Variants in DAB2 observed in about 807,000 individuals in gnomAD.
The protein encoded by DAB2 is disabled homolog 2.
DAB2 carries 28 observed loss-of-function variants against 71.6 expected under a neutral mutation model. The ratio of observed to expected loss-of-function variants is 0.39; its 90% CI spans 0.29 to 0.54. DAB2 has a LOEUF of 0.54. Among genes scored for constraint, DAB2 ranks in the 20% least tolerant of loss-of-function variants. The pLI is 0.68. For missense variants in DAB2, 867 were observed against 928.8 expected (o/e 0.93, Z 0.86); for synonymous variants, 345 against 339.7 (o/e 1.02, Z -0.17).
chr5:39,383,329 G>A, intron 9 of DAB2, 58 bp from the exon 10 acceptor site: 1 of 1,312,850 alleles, frequency 7.6e-7, no homozygotes. Context: ...GACTTCAAAT[G>A]AGAAAATTAC....
chr5:39,379,675 C>T (rs758803457), intron 11 of DAB2, among the ~76,000 whole-genome samples: 16 of 152,066 alleles, frequency 1.1e-4, no homozygotes, highest in Non-Finnish European at 2.4e-4. Flanking sequence ...GATTAAAATA[C>T]AAGCAAGTTG....
chr5:39,401,961 A>G (rs1009847790), intron 1 of DAB2, among the ~76,000 whole-genome samples: 1 of 152,014 alleles, frequency 6.6e-6, no homozygotes, highest in East Asian at 1.9e-4. Flanking sequence ...AAAGAAAAAG[A>G]GGTTTAACGG....
intron 1 of DAB2, among the ~76,000 whole-genome samples, chr5:39,411,758 C>T (rs1334663317): frequency 6.6e-6 from 1 of 152,152 alleles, no homozygotes; most frequent in Non-Finnish European, 1.5e-5. Flanking sequence ...TAAGACAAAT[C>T]CTCCAAAAGT....
intron 3 of DAB2, 45 bp from the exon 4 acceptor site, chr5:39,392,508 T>C (rs748016505): frequency 1.4e-5 from 19 of 1,387,676 alleles, no homozygotes. Context: ...TTTAAAAACA[T>C]CCTACAATGG....
chr5:39,374,818 T>G, intron 14 of DAB2, 196 bp downstream of exon 14: 2 of 532,416 alleles, frequency 3.8e-6, no homozygotes, highest in Non-Finnish European at 6.6e-6. Flanking sequence ...TTTTTTGATG[T>G]GTTTAGGAAT....
intron 1 of DAB2, among the ~76,000 whole-genome samples, chr5:39,413,395 T>TA (rs1350384796): frequency 6.6e-6 from 1 of 152,180 alleles, no homozygotes; most frequent in Non-Finnish European, 1.5e-5. Flanking sequence ...CAAAGGCCAT[T>TA]ATGTCTTACA....
In DAB2 at chr5:39,375,147, GA is replaced by G. The variant is rs1754795089; in HGVS notation, c.2248-64del. The G allele has an allele frequency of 4.1e-6, 5 of 1,218,250 alleles. No individual in the cohort carries two copies. The East Asian group carries it at 1.2e-4, about 28-fold the overall frequency. The allele number at this position is 1,218,250 out of a possible 1,614,324, so 75.5% of individuals were successfully genotyped here. A position where few individuals can be genotyped will look rare whatever the true frequency, so the allele number is the denominator to read the frequency against. On this transcript the variant is annotated intron_variant, in intron 13 of 14. Transcript: ENST00000320816. ...ACAGTCATAAGAAAAAAATCGCAAT[GA>G]AGACTTCCAAAATTCTTTTAAAAAT... is the stretch of plus-strand genomic sequence containing the variant.
In DAB2 at chr5:39,377,047, T is replaced by G; in HGVS notation, c.1740A>C (p.Ala580=). The G allele has an allele frequency of 6.2e-7, 1 of 1,613,998 alleles. No homozygotes were observed. ...GGCTTGTTGTTGACCAAGCATTGGGTGCCACAGATGCAGAAGGGCCCCAGA... is the reference window on the plus strand; with the variant it reads ...GGCTTGTTGTTGACCAAGCATTGGGGGCCACAGATGCAGAAGGGCCCCAGA... ...PVVWGPSASV[A]PNAWSTTSPL... is the part of the protein sequence containing the mutation. Residue 580 remains alanine (A), a synonymous_variant, in exon 12 of 15, where the codon GCA becomes GCC. Transcript: ENST00000320816.
chr5:39,386,709 T>C (rs969011397), intron 9 of DAB2, among the ~76,000 whole-genome samples: 10 of 152,224 alleles, frequency 6.6e-5, no homozygotes, highest in African/African-American at 2.2e-4. Flanking sequence ...GTAGATTATA[T>C]AGGCAGTACT....
At chr5:39,407,004 T>C (rs1025139254) in intron 1 of DAB2, among the ~76,000 whole-genome samples, 13 of 152,192 alleles carry the variant, frequency 8.5e-5, no homozygotes, top group African/African-American at 2.7e-4. Context: ...TACAATGTAT[T>C]ATGCTTGATC....
chr5:39,401,424 A>G (rs1755496526), intron 1 of DAB2, among the ~76,000 whole-genome samples: 1 of 152,196 alleles, frequency 6.6e-6, no homozygotes, highest in African/African-American at 2.4e-5. Flanking sequence ...ACCAAGTCAG[A>G]CCAGAGTTAA....
At chr5:39,406,206 G>C (rs1483112614) in intron 1 of DAB2, among the ~76,000 whole-genome samples, 1 of 152,108 alleles carries the variant, frequency 6.6e-6, no homozygotes, top group Non-Finnish European at 1.5e-5. Flanking sequence ...CTAAAGACCT[G>C]GCACAAGCAT....
intron 1 of DAB2, chr5:39,418,291 G>A (rs952271502): frequency 1.3e-5 from 2 of 152,126 alleles, no homozygotes; most frequent in Non-Finnish European, 2.9e-5. Flanking sequence ...TTCTTCATAT[G>A]ATTATGTCAG....
At position 39,392,367 on chromosome 5, in the gene DAB2, C is replaced by T. The variant is rs537448980; in HGVS notation, c.328G>A (p.Gly110Arg). 6.2e-7 allele frequency: 1 copy of T among 1,611,198 alleles called. No individual in the cohort carries two copies. The highest frequency in any genetic ancestry group is 1.7e-5 in the Admixed American group (1 of 60,006). The change falls in exon 4 of 15, where the codon GGG becomes AGG. Residue 110 changes from glycine to arginine, a missense_variant and splice_region_variant. Gly to Arg is a moderately radical substitution (Grantham distance 125). Transcript: ENST00000320816. ...SGIKIIDEKTGVIEHEHPVNK... is the reference protein window; with the variant it reads ...SGIKIIDEKTRVIEHEHPVNK... ...TATCAGCAAATGTGAATTCTTACCC[C>T]AGTTTTCTCATCAATTATTTTTATC...
chr5:39,372,938 T>C lies in DAB2; in HGVS notation c.*493A>G, dbSNP rs570423666. 10 of 152,266 alleles carry C rather than the reference T, an allele frequency of 6.6e-5. No homozygotes were observed. In the East Asian group the frequency reaches 1.9e-3, roughly 29 times the overall value. The allele number at this position is 152,266 out of a possible 1,614,324, so 9.4% of individuals were successfully genotyped here. ...TTTTACTTTAGAAATTCTCTGTAACTGATGGTCTGAAGCAAGATTTCTTTT... is the reference window on the plus strand; with the variant it reads ...TTTTACTTTAGAAATTCTCTGTAACCGATGGTCTGAAGCAAGATTTCTTTT... On this transcript the variant is annotated 3_prime_UTR_variant, in exon 15 of 15. Coordinates refer to ENST00000320816, the MANE Select transcript of DAB2 (RefSeq NM_001343.4).
rs986134202 is a variant in DAB2, at chr5:39,414,714, A to G, written c.-102+10090T>C. ...TATAAATAACCTTAAAGTTAAAAAA[A>G]GGGGGGGGGGTGGTCAGAATTGTTT... On this transcript the variant is annotated intron_variant, in intron 1 of 14. Transcript: ENST00000320816. 1.6e-3 allele frequency among the ~76,000 whole-genome samples: 222 copies of G among 139,774 alleles called. 4 individuals are homozygous for G. Among genetic ancestry groups the G allele is most frequent in the African/African-American group, 5.1e-3 (198 of 38,678 alleles). The allele number at this position is 139,774 out of a possible 152,430, so 91.7% of individuals were successfully genotyped here.
At chr5:39,409,564 T>C (rs1230825823) in intron 1 of DAB2, among the ~76,000 whole-genome samples, 1 of 152,228 alleles carries the variant, frequency 6.6e-6, no homozygotes, top group Non-Finnish European at 1.5e-5. Flanking sequence ...GAATTCTTTA[T>C]ATAAATCCAA....
chr5:39,402,922 C>T (rs35896178), intron 1 of DAB2, among the ~76,000 whole-genome samples: 34,705 of 152,102 alleles, frequency 0.23, 4,090 homozygotes, highest in Non-Finnish European at 0.24. Flanking sequence ...GTCATTATCA[C>T]GGACAGTTTA....
At chr5:39,421,929 G>T (rs34793804) in intron 1 of DAB2, among the ~76,000 whole-genome samples, 37,572 of 151,126 alleles carry the variant, frequency 0.25, 4,788 homozygotes, top group Non-Finnish European at 0.27. Flanking sequence ...TATTATCCAG[G>T]TATGGTGGCG....
Sources: allele counts gnomAD v4.1 joint callset (sites outside exome capture counted in the v4.1 genomes callset), GRCh38; gene constraint gnomAD v4.1.1; transcripts MANE v1.5; gene names NCBI Gene and HGNC (gene_info 2026-07-23, HGNC 2026-07-21).